Variants in GALNTL6 observed in about 807,000 individuals in gnomAD.
GALNTL6 encodes polypeptide N-acetylgalactosaminyltransferase-like 6.
GALNTL6 carries 46 observed loss-of-function variants against 73.7 expected under a neutral mutation model. That is an observed-to-expected ratio of 0.62 (90% CI 0.49 to 0.80). The LOEUF is 0.80. GALNTL6 is among the 30% of genes least tolerant of loss of function. The pLI, the probability that GALNTL6 is intolerant of heterozygous loss-of-function variation, is 0.00. For missense variants in GALNTL6, 604 were observed against 755.0 expected (o/e 0.80, Z 2.34); for synonymous variants, 259 against 263.7 (o/e 0.98, Z 0.17).
chr4:171,951,972 A>T (rs1327117987), intron 2 of GALNTL6, among the ~76,000 whole-genome samples: 1 of 152,042 alleles, frequency 6.6e-6, no homozygotes, highest in African/African-American at 2.4e-5. Context: ...TTTAAAAATG[A>T]AAGTTTGGAA....
intron 8 of GALNTL6, among the ~76,000 whole-genome samples, chr4:172,908,286 T>C (rs751689385): frequency 1.3e-5 from 2 of 152,230 alleles, no homozygotes; most frequent in Non-Finnish European, 2.9e-5. Flanking sequence ...GAAGGACTAC[T>C]GTATTTAGCA....
chr4:172,700,190 AACC>A (rs1457642988), intron 5 of GALNTL6, among the ~76,000 whole-genome samples: 2 of 152,298 alleles, frequency 1.3e-5, no homozygotes, highest in East Asian at 3.9e-4. Context: ...CAAAAGGGGT[AACC>A]AAACAGAGTC....
chr4:172,008,716 A>C (rs1205137400), intron 2 of GALNTL6, among the ~76,000 whole-genome samples: 2 of 151,958 alleles, frequency 1.3e-5, no homozygotes, highest in Non-Finnish European at 2.9e-5. Flanking sequence ...TCTCCTTTTC[A>C]TTGTCTTGTT....
chr4:172,467,388 T>C (rs1185202438), intron 5 of GALNTL6, among the ~76,000 whole-genome samples: 1 of 152,232 alleles, frequency 6.6e-6, no homozygotes, highest in African/African-American at 2.4e-5. Context: ...AGTTCTGGCA[T>C]CATTTGGGCT....
intron 2 of GALNTL6, among the ~76,000 whole-genome samples, chr4:172,219,222 T>TATATATATATATATATATAA (rs1483226525): frequency 2.8e-5 from 4 of 141,884 alleles, no homozygotes; most frequent in Admixed American, 2.1e-4. Context: ...TATATATATA[T>TATATATATATATATATATAA]AATCCTTCTG....
At chr4:172,138,594 ATC>A (rs1733718614) in intron 2 of GALNTL6, among the ~76,000 whole-genome samples, 1 of 122,914 alleles carries the variant, frequency 8.1e-6, no homozygotes, top group Non-Finnish European at 1.6e-5. Flanking sequence ...CAGTGGCGCG[ATC>A]TCGGCTCACT....
chr4:171,905,127 C>T (rs1024386810), intron 2 of GALNTL6, among the ~76,000 whole-genome samples: 1 of 152,106 alleles, frequency 6.6e-6, no homozygotes, highest in Admixed American at 6.5e-5. Context: ...ATGACAGGAT[C>T]AAATTCACAC....
chr4:172,302,479 C>G (rs374289227), intron 3 of GALNTL6, among the ~76,000 whole-genome samples: 2 of 152,160 alleles, frequency 1.3e-5, no homozygotes, highest in Non-Finnish European at 2.9e-5. Flanking sequence ...GAGCTGTAGA[C>G]TGGAGCTGTT....
At chr4:172,096,757 G>A (rs928648222) in intron 2 of GALNTL6, among the ~76,000 whole-genome samples, 7 of 152,080 alleles carry the variant, frequency 4.6e-5, no homozygotes, top group African/African-American at 1.2e-4. Flanking sequence ...TTAAAATAAA[G>A]AACTGAGTCA....
At chr4:171,950,883 T>C (rs1042908152) in intron 2 of GALNTL6, among the ~76,000 whole-genome samples, 2 of 151,844 alleles carry the variant, frequency 1.3e-5, no homozygotes, top group African/African-American at 2.4e-5. Flanking sequence ...ATGGAATGGG[T>C]GTACAGAATT....
chr4:172,567,207 T>A (rs1442178185), intron 5 of GALNTL6, among the ~76,000 whole-genome samples: 1 of 151,998 alleles, frequency 6.6e-6, no homozygotes, highest in Non-Finnish European at 1.5e-5. Context: ...AGCTCAAATA[T>A]CTTTCTATAT....
intron 5 of GALNTL6, among the ~76,000 whole-genome samples, chr4:172,495,501 G>T (rs762985856): frequency 9.9e-5 from 15 of 152,152 alleles, no homozygotes; most frequent in Non-Finnish European, 1.9e-4. Context: ...CCCCTCTGCT[G>T]TGTCTTTTGG....
At chr4:171,818,259 C>A (rs1291065065) in intron 2 of GALNTL6, among the ~76,000 whole-genome samples, 3 of 151,562 alleles carry the variant, frequency 2.0e-5, no homozygotes, top group African/African-American at 7.3e-5. Flanking sequence ...ACTACTATAT[C>A]CAGTCTTATT....
chr4:172,037,649 C>T (rs896744267), intron 2 of GALNTL6, among the ~76,000 whole-genome samples: 4 of 152,082 alleles, frequency 2.6e-5, no homozygotes, highest in Non-Finnish European at 5.9e-5. Flanking sequence ...CTTTTTTATC[C>T]TCTAGACTTT....
intron 5 of GALNTL6, among the ~76,000 whole-genome samples, chr4:172,605,472 T>A (rs771835652): frequency 6.6e-6 from 1 of 152,058 alleles, no homozygotes; most frequent in Non-Finnish European, 1.5e-5. Context: ...TTCAACAGAA[T>A]GAAATGGTGC....
rs1409418299 is a variant in GALNTL6 at position 172,777,875 on chromosome 4, A to G, written c.554-31486A>G. Among the ~76,000 whole-genome samples the G allele has an allele frequency of 3.3e-5, 5 of 152,244 alleles. No homozygotes were observed. The East Asian group carries it at 9.6e-4, about 29-fold the overall frequency. ...CCACACAGGTAATTCTTAGGACTGT[A>G]TACCACATGACAGTGAATTCAGCTG... On this transcript the variant is annotated intron_variant, in intron 5 of 12. Coordinates refer to ENST00000506823, the MANE Select transcript of GALNTL6 (RefSeq NM_001034845.3).
chr4:172,566,321 T>C (rs1376634015), intron 5 of GALNTL6, among the ~76,000 whole-genome samples: 2 of 152,150 alleles, frequency 1.3e-5, no homozygotes, highest in Non-Finnish European at 1.5e-5. Flanking sequence ...ACATTTAAGA[T>C]TGAAATTACA....
At chr4:172,427,916 A>G (rs1731290652) in intron 5 of GALNTL6, among the ~76,000 whole-genome samples, 2 of 152,202 alleles carry the variant, frequency 1.3e-5, no homozygotes, top group South Asian at 4.1e-4. Context: ...TTTACTGTCT[A>G]TCAATAAATG....
At chr4:172,168,175 T>C (rs1323729305) in intron 2 of GALNTL6, among the ~76,000 whole-genome samples, 1 of 152,202 alleles carries the variant, frequency 6.6e-6, no homozygotes, top group African/African-American at 2.4e-5. Flanking sequence ...ATTTTTAATT[T>C]GGTGAAATCC....
Sources: gnomAD v4.1 joint callset for allele counts (sites outside exome capture counted in the v4.1 genomes callset) on GRCh38, gnomAD v4.1.1 for gene constraint, MANE v1.5 for transcripts, NCBI Gene and HGNC (gene_info 2026-07-23, HGNC 2026-07-21) for gene names.